SIM2: variants seen among roughly 807,000 people sequenced by gnomAD.
SIM2 encodes the protein single-minded homolog 2.
SIM2 carries 28 observed loss-of-function variants against 64.8 expected under a neutral mutation model. The observed-to-expected ratio is 0.43, with a 90% CI of 0.32 to 0.59. The LOEUF (loss-of-function observed/expected upper bound fraction) is 0.59, where lower values mean the gene tolerates loss of function less well. Among genes scored for constraint, SIM2 ranks in the 20% least tolerant of loss-of-function variants. The pLI is 0.07. For missense variants in SIM2, 847 were observed against 871.4 expected (o/e 0.97, Z 0.35); for synonymous variants, 408 against 391.1 (o/e 1.04, Z -0.51).
chr21:36,703,329 C>G (rs2088532593), intron 1 of SIM2, among the ~76,000 whole-genome samples: 1 of 152,188 alleles, frequency 6.6e-6, no homozygotes, highest in African/African-American at 2.4e-5. Flanking sequence ...TCATGCAGCG[C>G]TACTCGGCCT....
In SIM2 at chr21:36,739,797, T is replaced by TG. The variant is rs994341195; in HGVS notation, c.851-1917dup. Among the ~76,000 whole-genome samples, 83 of 151,868 alleles carry TG rather than the reference T, an allele frequency of 5.5e-4. 2 individuals carry two copies. The highest frequency in any genetic ancestry group is 2.0e-4 in the Admixed American group (3 of 15,246). ...CATAGTTTGCCATAATGGCAAACTA[T>TG]GGGAGGGCAAGGTAGGCGGACCACT... On this transcript the variant is annotated intron_variant, in intron 7 of 10. Transcript: ENST00000290399.
chr21:36,741,542 T>C (rs528759999), intron 7 of SIM2, among the ~76,000 whole-genome samples, 175 bp from the exon 8 acceptor site: 4 of 152,156 alleles, frequency 2.6e-5, no homozygotes, highest in African/African-American at 7.2e-5. Flanking sequence ...TATGCACGCG[T>C]GTGTGTGTGT....
At chr21:36,743,884 T>C (rs1446000699) in intron 9 of SIM2, among the ~76,000 whole-genome samples, 2 of 152,270 alleles carry the variant, frequency 1.3e-5, no homozygotes, top group African/African-American at 2.4e-5. Context: ...ACCAGTCCAT[T>C]GTATTTCTGC....
chr21:36,729,264 C>T (rs1276461225), intron 6 of SIM2, among the ~76,000 whole-genome samples: 2 of 152,114 alleles, frequency 1.3e-5, no homozygotes, highest in Admixed American at 1.3e-4. Context: ...AAACAGACGG[C>T]TCAATTTTCC....
At chr21:36,743,578 T>G in intron 9 of SIM2, 23 bp downstream of exon 9, 1 of 1,608,420 alleles carries the variant, frequency 6.2e-7, no homozygotes. Context: ...TCCTGCAGTT[T>G]TGGGGTGCTG....
intron 3 of SIM2, among the ~76,000 whole-genome samples, chr21:36,716,249 G>A (rs9983083): frequency 0.54 from 82,322 of 152,124 alleles, 22,938 homozygotes; most frequent in Middle Eastern, 0.7. Context: ...AAAAATCCCC[G>A]TGTAAAAATG....
intron 9 of SIM2, 96 bp downstream of exon 9, chr21:36,743,651 C>A: frequency 8.5e-7 from 1 of 1,180,274 alleles, no homozygotes; most frequent in Non-Finnish European, 1.2e-6. Context: ...TCTCATTGCA[C>A]AGCAGGGATC....
At chr21:36,746,944 G>A (rs890219237) in intron 10 of SIM2, among the ~76,000 whole-genome samples, 1 of 152,172 alleles carries the variant, frequency 6.6e-6, no homozygotes, top group Non-Finnish European at 1.5e-5. Context: ...GTGGACCAAA[G>A]GTGCTAATTT....
chr21:36,706,471 A>G (rs192044625), intron 1 of SIM2, among the ~76,000 whole-genome samples: 27 of 152,316 alleles, frequency 1.8e-4, no homozygotes, highest in African/African-American at 2.2e-4. Context: ...GGGAGCCGCT[A>G]ACCCCGAGGC....
intron 5 of SIM2, among the ~76,000 whole-genome samples, chr21:36,723,641 G>A (rs1028915927): frequency 1.3e-5 from 2 of 152,212 alleles, no homozygotes; most frequent in African/African-American, 4.8e-5. Context: ...CATCTCAGCT[G>A]CCCATTGGAA....
chr21:36,699,923 T>C lies in SIM2; in HGVS notation c.175+2T>C, dbSNP rs1351678045. ...AGATGCGCGCCGTCTTCCCCGAAGG[T>C]GAGGCCTCAGGTGGGCGGCCGGGGA... On this transcript the variant is annotated splice_donor_variant, in intron 1 of 10. Transcript: ENST00000290399. LOFTEE classifies it high-confidence loss of function. The surrounding 1 kb of genome is among the most constrained non-coding windows in gnomAD (Gnocchi z 5.6). 1.3e-6 allele frequency: 2 copies of C among 1,595,796 alleles called. No individual in the cohort carries two copies. Among genetic ancestry groups the C allele is most frequent in the South Asian group, 2.3e-5 (2 of 88,074 alleles).
At position 36,748,224 on chromosome 21, in the gene SIM2, T is replaced by C; in HGVS notation, c.*132T>C. 1 of 450,934 alleles carries C rather than the reference T, an allele frequency of 2.2e-6. No individual in the cohort carries two copies. Among genetic ancestry groups the C allele is most frequent in the African/African-American group, 2.1e-5 (1 of 47,064 alleles). 27.9% of individuals were successfully genotyped at this position (450,934 alleles called of 1,614,324 possible). On this transcript the variant is annotated 3_prime_UTR_variant, in exon 11 of 11. Transcript: ENST00000290399. ...GTTTGAATTGGACCCCGCCGCCGACTTGCGGATTTCCACCGCGGAGGCCCC... is the reference window on the plus strand; with the variant it reads ...GTTTGAATTGGACCCCGCCGCCGACCTGCGGATTTCCACCGCGGAGGCCCC...
At chr21:36,734,912 T>C (rs1016626622) in intron 7 of SIM2, among the ~76,000 whole-genome samples, 1 of 152,098 alleles carries the variant, frequency 6.6e-6, no homozygotes, top group Non-Finnish European at 1.5e-5. Context: ...GTGGCACCTG[T>C]TTGATTTCCT....
chr21:36,735,002 G>T (rs970789824), intron 7 of SIM2, among the ~76,000 whole-genome samples: 1 of 152,206 alleles, frequency 6.6e-6, no homozygotes, highest in Non-Finnish European at 1.5e-5. Flanking sequence ...GGCCAGGGGA[G>T]GAGTGAGCCA....
intron 1 of SIM2, among the ~76,000 whole-genome samples, chr21:36,704,074 C>T (rs1195087349): frequency 6.6e-6 from 1 of 152,250 alleles, no homozygotes; most frequent in Non-Finnish European, 1.5e-5. Flanking sequence ...GAAAGAATTG[C>T]TACTCCAGAA....
At chr21:36,716,377 A>G (rs2088746676) in intron 3 of SIM2, among the ~76,000 whole-genome samples, 1 of 128,690 alleles carries the variant, frequency 7.8e-6, no homozygotes, top group Admixed American at 8.7e-5. Flanking sequence ...CGTATGTAAG[A>G]AATAGCTATT....
chr21:36,712,818 C>T (rs1198235857), intron 3 of SIM2, among the ~76,000 whole-genome samples, 196 bp downstream of exon 3: 1 of 152,154 alleles, frequency 6.6e-6, no homozygotes, highest in East Asian at 1.9e-4. Flanking sequence ...TACTTTTTTA[C>T]TTTCTTTTTC....
chr21:36,699,972 G>C lies in SIM2; in HGVS notation c.175+51G>C, dbSNP rs768946212. 6.6e-7 allele frequency: 1 copy of C among 1,516,412 alleles called. No individual in the cohort carries two copies. Among genetic ancestry groups the C allele is most frequent in the Non-Finnish European group, 8.8e-7 (1 of 1,136,288 alleles). The allele number at this position is 1,516,412 out of a possible 1,614,324, so 93.9% of individuals were successfully genotyped here. A position where few individuals can be genotyped will look rare whatever the true frequency, so the allele number is the denominator to read the frequency against. ...GACGCTGGGGAGCCCGGCGGCCCCG[G>C]CCCAGGCGGGAAGCGCAAGCCAGCC... On this transcript the variant is annotated intron_variant, in intron 1 of 10. Coordinates refer to ENST00000290399, the MANE Select transcript of SIM2 (RefSeq NM_005069.6). The surrounding 1 kb of genome is among the most constrained non-coding windows in gnomAD (Gnocchi z 5.6).
chr21:36,718,707 T>A (rs743428), intron 3 of SIM2, among the ~76,000 whole-genome samples: 105,846 of 151,954 alleles, frequency 0.7, 37,034 homozygotes, highest in Middle Eastern at 0.74. Context: ...ATGCTGGGGT[T>A]CACCGACTCA....
Sources: allele counts gnomAD v4.1 joint callset (sites outside exome capture counted in the v4.1 genomes callset), GRCh38; gene constraint gnomAD v4.1.1; non-coding constraint Gnocchi (gnomAD v3.1); transcripts MANE v1.5; gene names NCBI Gene and HGNC (gene_info 2026-07-23, HGNC 2026-07-21).